The following ADGRL3 variants were observed in gnomAD, a reference collection of about 807,000 sequenced individuals.
The protein encoded by ADGRL3 is calcium-independent alpha-latrotoxin receptor 3.
ADGRL3 carries 62 observed loss-of-function variants against 153.5 expected under a neutral mutation model. That is an observed-to-expected ratio of 0.40 (90% CI 0.33 to 0.50). The LOEUF (loss-of-function observed/expected upper bound fraction) is 0.50, where lower values mean the gene tolerates loss of function less well. ADGRL3 is among the 20% of genes least tolerant of loss of function. The probability of loss-of-function intolerance (pLI) is 0.47; values close to 1 mark genes in which losing one functional copy is unlikely to be tolerated. For synonymous variants in ADGRL3, 710 were observed against 672.5 expected (o/e 1.06, Z -0.86); for missense variants, 1,641 against 1,859.4 (o/e 0.88, Z 2.16).
rs541490210 is a variant in ADGRL3, at chr4:61,575,802, CAT to C, written c.260-11422_260-11421del. Among the ~76,000 whole-genome samples the C allele has an allele frequency of 1.1e-3, 162 of 152,068 alleles. 1 individual carries two copies. Among genetic ancestry groups the C allele is most frequent in the African/African-American group, 3.7e-3 (155 of 41,544 alleles). On this transcript the variant is annotated intron_variant, in intron 4 of 26. Coordinates refer to ENST00000683033, the MANE Select transcript of ADGRL3 (RefSeq NM_001387552.1). Reference sequence around the variant, plus strand: ...TTATATGTTTAATGAATTGAGGAAACATATGTGTAGAAATCCAGAACCTTTAT... The same window carrying C: ...TTATATGTTTAATGAATTGAGGAAACATGTGTAGAAATCCAGAACCTTTAT...
At chr4:61,957,609 GC>G (rs2098972552) in intron 17 of ADGRL3, among the ~76,000 whole-genome samples, 1 of 148,644 alleles carries the variant, frequency 6.7e-6, no homozygotes, top group Admixed American at 6.7e-5. Flanking sequence ...TGCTCTTGTT[GC>G]CCAGGCTGGA....
intron 2 of ADGRL3, among the ~76,000 whole-genome samples, chr4:61,435,162 A>G (rs1560627881): frequency 6.6e-6 from 1 of 152,110 alleles, no homozygotes. Flanking sequence ...TATAATTATG[A>G]TATTTTGGTA....
At chr4:61,487,261 T>G (rs1357630181) in intron 2 of ADGRL3, among the ~76,000 whole-genome samples, 1 of 152,182 alleles carries the variant, frequency 6.6e-6, no homozygotes, top group Non-Finnish European at 1.5e-5. Context: ...CTTTTAACTA[T>G]GTGGCCTCAA....
intron 5 of ADGRL3, among the ~76,000 whole-genome samples, chr4:61,613,098 T>C (rs974552037): frequency 6.6e-6 from 1 of 152,136 alleles, no homozygotes; most frequent in South Asian, 2.1e-4. Context: ...AATCATATCT[T>C]GTGCCTTACC....
chr4:61,903,974 G>T (rs1005759499), intron 11 of ADGRL3, among the ~76,000 whole-genome samples: 1 of 150,506 alleles, frequency 6.6e-6, no homozygotes, highest in Admixed American at 6.6e-5. Context: ...TCCCTATGTT[G>T]CCCAGGCTGG....
intron 4 of ADGRL3, among the ~76,000 whole-genome samples, chr4:61,549,547 G>A (rs2098730795): frequency 1.3e-5 from 2 of 151,922 alleles, no homozygotes; most frequent in Admixed American, 1.3e-4. Context: ...CTGACAAACA[G>A]GTTTACCAGT....
Position 61,416,439 on chromosome 4 carries a change from A to T in ADGRL3, c.-174+33250A>T, listed in dbSNP as rs191510456. Reference sequence around the variant, plus strand: ...TGAAAATTTCACAGATTTCTCAAAGATATCTGTTATTTAATTCAGTTTTTA... The same window carrying T: ...TGAAAATTTCACAGATTTCTCAAAGTTATCTGTTATTTAATTCAGTTTTTA... On this transcript the variant is annotated intron_variant, in intron 2 of 26. Transcript: ENST00000683033. 2.0e-3 allele frequency among the ~76,000 whole-genome samples: 301 copies of T among 152,314 alleles called. 4 individuals carry two copies. The highest frequency in any genetic ancestry group is 5.4e-4 in the Non-Finnish European group (37 of 68,020).
intron 9 of ADGRL3, among the ~76,000 whole-genome samples, chr4:61,847,884 A>T (rs1213144185): frequency 8.6e-5 from 2 of 23,196 alleles, no homozygotes; most frequent in African/African-American, 2.2e-4. Flanking sequence ...ATTATATATA[A>T]TATAAAATAT....
chr4:61,542,809 C>T (rs1279544214), intron 4 of ADGRL3, among the ~76,000 whole-genome samples: 1 of 152,142 alleles, frequency 6.6e-6, no homozygotes, highest in Non-Finnish European at 1.5e-5. Context: ...ACCTCACATC[C>T]TCTCTTCAAT....
chr4:61,840,360 G>A (rs2098011474), intron 9 of ADGRL3, among the ~76,000 whole-genome samples: 1 of 152,194 alleles, frequency 6.6e-6, no homozygotes, highest in South Asian at 2.1e-4. Flanking sequence ...GATTACAGGC[G>A]TGAGCCACCG....
chr4:61,378,519 G>T (rs2096630888), intron 1 of ADGRL3, among the ~76,000 whole-genome samples: 1 of 151,946 alleles, frequency 6.6e-6, no homozygotes, highest in Admixed American at 6.6e-5. Context: ...CGGAGGATGA[G>T]ACTTCAGCAC....
At chr4:61,502,289 G>A (rs942655519) in intron 3 of ADGRL3, among the ~76,000 whole-genome samples, 1 of 152,006 alleles carries the variant, frequency 6.6e-6, no homozygotes, top group African/African-American at 2.4e-5. Flanking sequence ...AGGTGATTCT[G>A]GTGCTCAAAT....
chr4:61,486,025 G>A (rs907981078), intron 2 of ADGRL3, among the ~76,000 whole-genome samples: 1 of 151,968 alleles, frequency 6.6e-6, no homozygotes, highest in East Asian at 1.9e-4. Context: ...CTCACTGCAA[G>A]CTCCGCCTCC....
intron 1 of ADGRL3, among the ~76,000 whole-genome samples, chr4:61,294,446 T>C (rs1025493980): frequency 2.0e-5 from 3 of 152,170 alleles, no homozygotes; most frequent in Non-Finnish European, 4.4e-5. Flanking sequence ...GTTAGGTGTA[T>C]TAAATGCATT....
intron 1 of ADGRL3, among the ~76,000 whole-genome samples, chr4:61,263,189 T>G (rs1371895453): frequency 6.6e-6 from 1 of 152,040 alleles, no homozygotes; most frequent in Non-Finnish European, 1.5e-5. Flanking sequence ...GCTGTATTAT[T>G]TCCTGAATAT....
At chr4:61,608,402 T>C (rs1037849874) in intron 5 of ADGRL3, among the ~76,000 whole-genome samples, 2 of 152,018 alleles carry the variant, frequency 1.3e-5, no homozygotes, top group African/African-American at 4.8e-5. Context: ...ACAAAAACCC[T>C]CTTACAGTTG....
intron 1 of ADGRL3, chr4:61,211,783 A>C (rs1228531160): frequency 1.3e-5 from 2 of 152,204 alleles, no homozygotes; most frequent in Non-Finnish European, 2.9e-5. Flanking sequence ...CTCTGTATAT[A>C]TGAGAAGCCA....
chr4:61,899,635 G>A (rs1406206496), intron 11 of ADGRL3, among the ~76,000 whole-genome samples: 1 of 152,098 alleles, frequency 6.6e-6, no homozygotes, highest in Non-Finnish European at 1.5e-5. Flanking sequence ...AGTCCACTTG[G>A]ACTGCTATGG....
At chr4:61,455,229 T>TA (rs1415019002) in intron 2 of ADGRL3, among the ~76,000 whole-genome samples, 3 of 152,128 alleles carry the variant, frequency 2.0e-5, no homozygotes, top group Non-Finnish European at 4.4e-5. Context: ...GAGAAGATCA[T>TA]ATGAAGGTTG....
Sources: allele counts gnomAD v4.1 joint callset (sites outside exome capture counted in the v4.1 genomes callset), GRCh38; gene constraint gnomAD v4.1.1; transcripts MANE v1.5; gene names NCBI Gene and HGNC (gene_info 2026-07-23, HGNC 2026-07-21).